KCNIP4: variants seen among roughly 807,000 people sequenced by gnomAD.
The protein encoded by KCNIP4 is Kv channel-interacting protein 4.
A neutral mutation model predicts 34.0 loss-of-function variants in KCNIP4; 12 were observed. That is an observed-to-expected ratio of 0.35 (90% CI 0.23 to 0.57). The LOEUF (loss-of-function observed/expected upper bound fraction) is 0.57, where lower values mean the gene tolerates loss of function less well. Among genes scored for constraint, KCNIP4 ranks in the 20% least tolerant of loss-of-function variants. KCNIP4 has a pLI of 0.83. For synonymous variants in KCNIP4, 124 were observed against 102.2 expected, an observed-to-expected ratio of 1.21 and a Z score of -1.29; for missense variants, 238 against 311.7, an observed-to-expected ratio of 0.76 and a Z score of 1.78.
chr4:21,935,754 T>C (rs1729825269), intron 1 of KCNIP4, among the ~76,000 whole-genome samples: 1 of 152,082 alleles, frequency 6.6e-6, no homozygotes, highest in Non-Finnish European at 1.5e-5. Context: ...GCCAAATAAT[T>C]ATAAAAATGA....
chr4:21,303,251 TAG>T (rs1711954166), intron 1 of KCNIP4, among the ~76,000 whole-genome samples: 1 of 152,206 alleles, frequency 6.6e-6, no homozygotes, highest in Non-Finnish European at 1.5e-5. Context: ...TTATATGAGT[TAG>T]AGTCTTTTCC....
chr4:21,307,672 A>G (rs1712635498), intron 1 of KCNIP4, among the ~76,000 whole-genome samples: 1 of 152,118 alleles, frequency 6.6e-6, no homozygotes, highest in African/African-American at 2.4e-5. Flanking sequence ...CTAAAAAGCT[A>G]CCTGCTCTCT....
At chr4:20,771,979 T>C (rs193275660) in intron 3 of KCNIP4, among the ~76,000 whole-genome samples, 21 of 152,304 alleles carry the variant, frequency 1.4e-4, no homozygotes, top group Admixed American at 3.9e-4. Context: ...TGAATAAAAC[T>C]AAATTTAATG....
At chr4:21,661,386 T>C (rs1168177226) in intron 1 of KCNIP4, among the ~76,000 whole-genome samples, 1 of 152,120 alleles carries the variant, frequency 6.6e-6, no homozygotes, top group Non-Finnish European at 1.5e-5. Context: ...CATTCTTGGA[T>C]AGCTGGGCTA....
At position 21,353,019 on chromosome 4, in the gene KCNIP4, C is replaced by T. The variant is rs987805658; in HGVS notation, c.62-470310G>A. Among the ~76,000 whole-genome samples the T allele has an allele frequency of 1.4e-4, 22 of 152,144 alleles. 1 individual carries two copies. The East Asian group carries it at 2.3e-3, about 16-fold the overall frequency. ...CCAGGCAAACAGGGTCTGAAGTGGA[C>T]CTCCAGCAAACTCCAACAGACCTGC... is the stretch of plus-strand genomic sequence containing the variant. On this transcript the variant is annotated intron_variant, in intron 1 of 8. Transcript: ENST00000382152.
At chr4:21,210,067 A>G (rs922917816) in intron 1 of KCNIP4, among the ~76,000 whole-genome samples, 112 of 152,300 alleles carry the variant, frequency 7.4e-4, no homozygotes, top group African/African-American at 2.5e-3. Context: ...GTGATTTAAC[A>G]TGGGATGATG....
intron 1 of KCNIP4, among the ~76,000 whole-genome samples, chr4:21,510,055 G>T (rs1337205955): frequency 7.8e-6 from 1 of 128,830 alleles, no homozygotes; most frequent in Non-Finnish European, 1.5e-5. Context: ...CCCACTTGGG[G>T]CACAAGAGCA....
At chr4:21,704,365 T>A (rs913565436) in intron 1 of KCNIP4, among the ~76,000 whole-genome samples, 2 of 152,088 alleles carry the variant, frequency 1.3e-5, no homozygotes, top group African/African-American at 4.8e-5. Flanking sequence ...ATAAATTAGA[T>A]GGCATCAAAG....
At chr4:21,469,231 T>A (rs570610689) in intron 1 of KCNIP4, among the ~76,000 whole-genome samples, 1 of 151,962 alleles carries the variant, frequency 6.6e-6, no homozygotes, top group Non-Finnish European at 1.5e-5. Flanking sequence ...TGCCTGGCTA[T>A]TTTCTTCCCC....
At chr4:21,360,746 T>G (rs2109405086) in intron 1 of KCNIP4, among the ~76,000 whole-genome samples, 1 of 152,206 alleles carries the variant, frequency 6.6e-6, no homozygotes, top group South Asian at 2.1e-4. Flanking sequence ...ATTAATGTTA[T>G]TCATAAAAAC....
chr4:21,132,236 T>C (rs1751124063), intron 1 of KCNIP4, among the ~76,000 whole-genome samples: 1 of 152,236 alleles, frequency 6.6e-6, no homozygotes, highest in African/African-American at 2.4e-5. Context: ...CTGTTTCTGT[T>C]TAACTTGTTC....
intron 1 of KCNIP4, among the ~76,000 whole-genome samples, chr4:20,964,345 T>C (rs1734134668): frequency 6.6e-6 from 1 of 152,202 alleles, no homozygotes; most frequent in South Asian, 2.1e-4. Context: ...GGAAATTAGA[T>C]TTTGACATGA....
At chr4:21,924,120 T>A (rs1560184325) in intron 1 of KCNIP4, among the ~76,000 whole-genome samples, 1 of 152,108 alleles carries the variant, frequency 6.6e-6, no homozygotes, top group Non-Finnish European at 1.5e-5. Context: ...ATACAAATAG[T>A]CTCTGAGATA....
intron 1 of KCNIP4, among the ~76,000 whole-genome samples, chr4:21,180,874 A>G (rs1754789894): frequency 6.6e-6 from 1 of 152,072 alleles, no homozygotes; most frequent in Non-Finnish European, 1.5e-5. Flanking sequence ...AAGTGATTAT[A>G]TAGTAACATT....
intron 1 of KCNIP4, among the ~76,000 whole-genome samples, chr4:21,330,347 A>G (rs569434932): frequency 6.6e-6 from 1 of 152,364 alleles, no homozygotes; most frequent in South Asian, 2.1e-4. Context: ...GACTATCAGA[A>G]CTACTGTTGT....
intron 1 of KCNIP4, among the ~76,000 whole-genome samples, chr4:21,456,991 G>A (rs1274162596): frequency 1.3e-5 from 2 of 151,972 alleles, no homozygotes; most frequent in African/African-American, 2.4e-5. Context: ...CATTTTAAAT[G>A]AGGCAAATTC....
intron 1 of KCNIP4, chr4:21,849,104 C>T (rs1233836891): frequency 6.6e-6 from 1 of 152,090 alleles, no homozygotes; most frequent in Non-Finnish European, 1.5e-5. Flanking sequence ...CTCCGTCTAC[C>T]TGCCGGTCTC....
intron 1 of KCNIP4, among the ~76,000 whole-genome samples, chr4:21,858,699 C>T (rs1482941191): frequency 6.6e-6 from 1 of 152,220 alleles, no homozygotes; most frequent in Non-Finnish European, 1.5e-5. Context: ...GCCATCACTC[C>T]TAATTGTGTG....
chr4:21,752,473 C>G lies in KCNIP4; in HGVS notation c.61+196098G>C, dbSNP rs555455087. On this transcript the variant is annotated intron_variant, in intron 1 of 8. Coordinates refer to ENST00000382152, the MANE Select transcript of KCNIP4 (RefSeq NM_025221.6). ...AGAACAGCATGGGGCACACTACCCC[C>G]GTAATCCAACCACCTCCCACCAGGT... 2.1e-3 allele frequency among the ~76,000 whole-genome samples: 314 copies of G among 152,140 alleles called. 1 individual carries two copies. The highest frequency in any genetic ancestry group is 7.2e-3 in the African/African-American group (299 of 41,502).
Sources: gnomAD v4.1 joint callset for allele counts (sites outside exome capture counted in the v4.1 genomes callset) on GRCh38, gnomAD v4.1.1 for gene constraint, MANE v1.5 for transcripts, NCBI Gene and HGNC (gene_info 2026-07-23, HGNC 2026-07-21) for gene names.